The following GMEB2 variants were observed in gnomAD, a reference collection of about 807,000 sequenced individuals.
GMEB2 encodes the protein glucocorticoid modulatory element binding protein 2.
A neutral mutation model predicts 45.7 loss-of-function variants in GMEB2; 7 were observed. That is an observed-to-expected ratio of 0.15 (90% confidence interval 0.09 to 0.29). GMEB2 has a LOEUF of 0.29. Among genes scored for constraint, GMEB2 ranks in the 10% least tolerant of loss-of-function variants. The probability of loss-of-function intolerance (pLI) is 1.00; values close to 1 mark genes in which losing one functional copy is unlikely to be tolerated. For missense variants in GMEB2, 582 were observed against 739.2 expected (o/e 0.79, Z 2.47); for synonymous variants, 322 against 323.6 (o/e 1.00, Z 0.05).
chr20:63,595,422 A>G (rs1251341120), intron 6 of GMEB2, among the ~76,000 whole-genome samples, 188 bp downstream of exon 6: 8 of 152,258 alleles, frequency 5.3e-5, no homozygotes, highest in South Asian at 4.1e-4. Context: ...GAAAGCAGCA[A>G]TTCTGCCAGA....
chr20:63,593,223 G>A lies in GMEB2; in HGVS notation c.620-141C>T. 4.8e-6 allele frequency: 3 copies of A among 631,050 alleles called. No individual in the cohort carries two copies. Among genetic ancestry groups the A allele is most frequent in the South Asian group, 1.8e-5 (1 of 55,952 alleles). 39.1% of individuals were successfully genotyped at this position (631,050 alleles called of 1,614,324 possible). ...ACTGACAAACACAGGATACGCACTA[G>A]TACAGCCAAAGTGTACCTGCCTTAT... On this transcript the variant is annotated intron_variant, in intron 6 of 9. Coordinates refer to ENST00000370077, the MANE Select transcript of GMEB2 (RefSeq NM_012384.5). The surrounding 1 kb of genome is among the most constrained non-coding windows in gnomAD (Gnocchi z 4.7).
At chr20:63,612,068 A>G (rs766532392) in intron 2 of GMEB2, among the ~76,000 whole-genome samples, 1 of 152,218 alleles carries the variant, frequency 6.6e-6, no homozygotes, top group Non-Finnish European at 1.5e-5. Flanking sequence ...AAAACAAAAA[A>G]TCATTTCATG....
intron 2 of GMEB2, among the ~76,000 whole-genome samples, chr20:63,618,324 G>A (rs1027250383): frequency 7.2e-5 from 11 of 152,186 alleles, no homozygotes; most frequent in Admixed American, 5.2e-4. Context: ...AACCCACACA[G>A]GTCCATGTCT....
intron 2 of GMEB2, among the ~76,000 whole-genome samples, chr20:63,616,478 G>A (rs1271818743): frequency 6.6e-6 from 1 of 152,212 alleles, no homozygotes; most frequent in African/African-American, 2.4e-5. Flanking sequence ...ACGTGAATAG[G>A]CTCCTCATGG....
rs949411622 is a variant in GMEB2, at chr20:63,616,180, G to A, written c.131+3087C>T. 7.2e-5 allele frequency among the ~76,000 whole-genome samples: 11 copies of A among 151,776 alleles called. No homozygotes were observed. The East Asian group carries it at 1.2e-3, about 16-fold the overall frequency. On this transcript the variant is annotated intron_variant, in intron 2 of 9. Transcript: ENST00000370077. ...ACATGTGGGCCGGGTACAGTGGCTCGCGCCTGTAATTCCAGCACTTTGGGA... is the reference window on the plus strand; with the variant it reads ...ACATGTGGGCCGGGTACAGTGGCTCACGCCTGTAATTCCAGCACTTTGGGA...
Position 63,595,934 on chromosome 20 carries a change from C to T in GMEB2, c.462-167G>A, listed in dbSNP as rs192723190. Among the ~76,000 whole-genome samples the T allele has an allele frequency of 2.0e-3, 308 of 152,364 alleles. 2 individuals are homozygous for T. The highest frequency in any genetic ancestry group is 3.4e-3 in the Non-Finnish European group (232 of 68,028). On this transcript the variant is annotated intron_variant, in intron 5 of 9. Transcript: ENST00000370077. ...TACTTCCCTCTTAGCGCGAGCTCGGCGTGCAGGACCCTGCTGCTGAAGAAG... is the reference window on the plus strand; with the variant it reads ...TACTTCCCTCTTAGCGCGAGCTCGGTGTGCAGGACCCTGCTGCTGAAGAAG...
chr20:63,591,485 G>C, intron 9 of GMEB2, among the ~76,000 whole-genome samples: 1 of 139,536 alleles, frequency 7.2e-6, no homozygotes, highest in African/African-American at 2.6e-5. Flanking sequence ...GTTTTTTTTT[G>C]AGACAGGGTC....
At chr20:63,613,417 G>A (rs6011925) in intron 2 of GMEB2, among the ~76,000 whole-genome samples, 76,786 of 152,102 alleles carry the variant, frequency 0.5, 20,512 homozygotes, top group Middle Eastern at 0.66. Context: ...GCCCTGGTCC[G>A]TCACTGCCAC....
intron 2 of GMEB2, among the ~76,000 whole-genome samples, chr20:63,606,339 CCACA>C (rs1230096528): frequency 6.8e-6 from 1 of 146,574 alleles, no homozygotes; most frequent in Non-Finnish European, 1.5e-5. Context: ...AAAAAAAACA[CCACA>C]AACAATTTTT....
chr20:63,590,181 C>T lies in GMEB2; in HGVS notation c.1501G>A (p.Val501Met), dbSNP rs751736161. Residue 501 changes from valine to methionine, a missense_variant, in exon 10 of 10, where the codon GTG (valine) becomes ATG (methionine). Physicochemically the swap from Val to Met is conservative, Grantham distance 21. This residue lies in a region of GMEB2 where 462 missense variants were observed against 586.7 expected (regional missense o/e 0.79). Coordinates refer to ENST00000370077, the MANE Select transcript of GMEB2 (RefSeq NM_012384.5). ...GGGGCAGCCCCTGCGGGCACTGTCA[C>T]AATTGTGCTGGAGCCAGGCGAGGCC... ...AQASPGSSTI[V>M]TVPAGAAPGP... 11 of 1,602,078 alleles carry T rather than the reference C, an allele frequency of 6.9e-6. No homozygotes were observed. The African/African-American group carries it at 1.1e-4, about 16-fold the overall frequency.
At position 63,590,120 on chromosome 20, in the gene GMEB2, G is replaced by A. The variant is rs1259862391; in HGVS notation, c.1562C>T (p.Ala521Val). The A allele has an allele frequency of 6.6e-7, 1 of 1,521,900 alleles. No homozygotes were observed. Among genetic ancestry groups the A allele is most frequent in the African/African-American group, 1.4e-5 (1 of 72,244 alleles). The allele number at this position is 1,521,900 out of a possible 1,614,324, so 94.3% of individuals were successfully genotyped here. A position where few individuals can be genotyped will look rare whatever the true frequency, so the allele number is the denominator to read the frequency against. The change falls in exon 10 of 10, where the codon GCT (alanine) becomes GTT (valine). Residue 521 changes from alanine (A) to valine (V), a missense_variant. Around this residue, in one of 3 missense-constraint regions of GMEB2, gnomAD observed 462 missense variants for 586.7 expected, o/e 0.79. Transcript: ENST00000370077. ...CCGCTCGTGGTCCTCTGCCATGGCA[G>A]CCACCTCAATGGTGGCCGTGTGCTC... The part of the protein sequence containing the change: ...PEEHTATIEV[A>V]AMAEDHERK
At chr20:63,603,261 C>T (rs1383442280) in intron 3 of GMEB2, among the ~76,000 whole-genome samples, 169 bp from the exon 4 acceptor site, 2 of 152,162 alleles carry the variant, frequency 1.3e-5, no homozygotes, top group African/African-American at 4.8e-5. Flanking sequence ...CCATCAGTGC[C>T]ATTAGAGTTT....
chr20:63,594,507 A>C (rs1294212882), intron 6 of GMEB2, among the ~76,000 whole-genome samples: 1 of 152,194 alleles, frequency 6.6e-6, no homozygotes, highest in Non-Finnish European at 1.5e-5. Flanking sequence ...AAGGGGGCCC[A>C]GGAGAAGGGT....
At chr20:63,613,097 G>A (rs1456385837) in intron 2 of GMEB2, among the ~76,000 whole-genome samples, 1 of 152,072 alleles carries the variant, frequency 6.6e-6, no homozygotes, top group Non-Finnish European at 1.5e-5. Context: ...GAGTAACTGG[G>A]ACTACAGGTG....
chr20:63,620,969 T>C lies in GMEB2; in HGVS notation c.-57-1515A>G, dbSNP rs76701034. 8.0e-3 allele frequency among the ~76,000 whole-genome samples: 1,214 copies of C among 152,142 alleles called. 14 individuals carry two copies. Among genetic ancestry groups the C allele is most frequent in the African/African-American group, 0.028 (1,164 of 41,514 alleles). On this transcript the variant is annotated intron_variant, in intron 1 of 9. Transcript: ENST00000370077. ...ACCAGCTCCAAGAGGAAAGCAAACA[T>C]TGTCAACCAAGTGGAAAGAAAATCT...
At chr20:63,595,836 T>C in intron 5 of GMEB2, 69 bp from the exon 6 acceptor site, 2 of 1,443,636 alleles carry the variant, frequency 1.4e-6, no homozygotes, top group Non-Finnish European at 1.9e-6. Context: ...CCGCCCACCC[T>C]GACCTGGGCC....
Position 63,592,441 on chromosome 20 carries a change from G to A in GMEB2, c.829+92C>T, listed in dbSNP as rs79186704. 9.1e-4 allele frequency: 893 copies of A among 978,426 alleles called. 4 individuals are homozygous for A. The highest frequency in any genetic ancestry group is 8.5e-3 in the African/African-American group (522 of 61,400). 60.6% of individuals were successfully genotyped at this position (978,426 alleles called of 1,614,324 possible). A position where few individuals can be genotyped will look rare whatever the true frequency, so the allele number is the denominator to read the frequency against. On this transcript the variant is annotated intron_variant, in intron 8 of 9. Transcript: ENST00000370077. This position sits in a 1 kb window ranked among gnomAD's most constrained non-coding sequence, Gnocchi z 8.2. ...ATTCAGCCTCCAACCCAGCAGCACA[G>A]AAGGGCCTAGGGGCAGGAGGGCCAG...
At chr20:63,609,179 C>A (rs1358131364) in intron 2 of GMEB2, among the ~76,000 whole-genome samples, 1 of 20,290 alleles carries the variant, frequency 4.9e-5, no homozygotes. Flanking sequence ...TCTGACTCAC[C>A]TCCATTTCTA....
chr20:63,601,829 G>C (rs1721620947), intron 4 of GMEB2, among the ~76,000 whole-genome samples: 1 of 148,480 alleles, frequency 6.7e-6, no homozygotes, highest in African/African-American at 2.5e-5. Flanking sequence ...TGTGCTGCCT[G>C]TGGCTTCCGT....
Sources: gnomAD v4.1 joint callset for allele counts (sites outside exome capture counted in the v4.1 genomes callset) on GRCh38, gnomAD v4.1.1 for gene constraint, gnomAD v4.1.1 regional missense constraint, Gnocchi (gnomAD v3.1) non-coding constraint, MANE v1.5 for transcripts, NCBI Gene and HGNC (gene_info 2026-07-23, HGNC 2026-07-21) for gene names.